Variants in VAV3 observed in about 807,000 individuals in gnomAD.
VAV3 encodes the protein guanine nucleotide exchange factor VAV3.
Under a neutral mutation model 131.2 loss-of-function variants are expected in VAV3, and 94 were observed. The observed-to-expected ratio is 0.72, with a 90% CI of 0.61 to 0.85. The LOEUF (loss-of-function observed/expected upper bound fraction) is 0.85. Ranked by LOEUF, VAV3 falls within the 40% of genes least tolerant of loss-of-function variation. The pLI is 0.00. For synonymous variants in VAV3, 349 were observed against 342.0 expected (o/e 1.02, Z -0.22); for missense variants, 939 against 1,002.7 (o/e 0.94, Z 0.86).
At chr1:107,876,267 G>C (rs1171456963) in intron 1 of VAV3, among the ~76,000 whole-genome samples, 2 of 152,076 alleles carry the variant, frequency 1.3e-5, no homozygotes, top group Non-Finnish European at 2.9e-5. Flanking sequence ...GAAAGTCACG[G>C]GTACCTTGAC....
intron 1 of VAV3, among the ~76,000 whole-genome samples, chr1:107,885,104 G>A (rs901157904): frequency 6.6e-6 from 1 of 152,054 alleles, no homozygotes; most frequent in African/African-American, 2.4e-5. Flanking sequence ...GCTTCAGAAC[G>A]GCACACCAGC....
At chr1:107,769,214 T>C (rs549013268) in intron 6 of VAV3, among the ~76,000 whole-genome samples, 17 of 152,318 alleles carry the variant, frequency 1.1e-4, no homozygotes, top group Non-Finnish European at 2.2e-4. Flanking sequence ...ACTCCATGAA[T>C]CACTTCCCTG....
At chr1:107,773,645 A>C (rs1665175469) in intron 4 of VAV3, among the ~76,000 whole-genome samples, 1 of 152,158 alleles carries the variant, frequency 6.6e-6, no homozygotes, top group Non-Finnish European at 1.5e-5. Flanking sequence ...GGGAGGAGGA[A>C]GGAAGAGGAA....
intron 2 of VAV3, among the ~76,000 whole-genome samples, chr1:107,827,197 G>A (rs1361751354): frequency 1.3e-5 from 2 of 152,140 alleles, no homozygotes; most frequent in African/African-American, 2.4e-5. Context: ...CTGTGACTAA[G>A]CCAGACAGAG....
intron 20 of VAV3, among the ~76,000 whole-genome samples, chr1:107,623,510 ATCACTT>A (rs1653765980): frequency 1.3e-5 from 2 of 152,208 alleles, no homozygotes; most frequent in Non-Finnish European, 1.5e-5. Context: ...AGACTCTCAT[ATCACTT>A]TCACCTGAAC....
intron 15 of VAV3, among the ~76,000 whole-genome samples, chr1:107,720,155 C>T (rs1661392720): frequency 6.6e-6 from 1 of 152,016 alleles, no homozygotes; most frequent in Non-Finnish European, 1.5e-5. Context: ...CACATGTATA[C>T]ATATGTAACA....
chr1:107,758,119 C>T (rs1664216808), intron 10 of VAV3, among the ~76,000 whole-genome samples: 1 of 152,122 alleles, frequency 6.6e-6, no homozygotes, highest in Non-Finnish European at 1.5e-5. Flanking sequence ...ATGGCACTTC[C>T]ATCAGTGTCA....
At chr1:107,923,007 G>A (rs1672985320) in intron 1 of VAV3, among the ~76,000 whole-genome samples, 1 of 150,784 alleles carries the variant, frequency 6.6e-6, no homozygotes, top group African/African-American at 2.4e-5. Context: ...TATCTCAGGT[G>A]TATACATCTA....
In VAV3 at chr1:107,844,676, C is replaced by A. The variant is rs560441259; in HGVS notation, c.321+30225G>T. On this transcript the variant is annotated intron_variant, in intron 2 of 26. Coordinates refer to ENST00000370056, the MANE Select transcript of VAV3 (RefSeq NM_006113.5). ...GGCAGTTTTCCCCTCACAGTATAAA[C>A]AAAGCCTCCAGGAAGTTCGGACTGG... is the stretch of plus-strand genomic sequence containing the variant. 2.0e-5 allele frequency among the ~76,000 whole-genome samples: 3 copies of A among 152,254 alleles called. No individual in the cohort carries two copies. The South Asian group carries it at 6.2e-4, about 32-fold the overall frequency.
intron 25 of VAV3, among the ~76,000 whole-genome samples, chr1:107,591,402 A>G (rs1650936370): frequency 6.6e-6 from 1 of 152,156 alleles, no homozygotes; most frequent in South Asian, 2.1e-4. Flanking sequence ...AAATATTTTC[A>G]GGATAAAGGG....
intron 10 of VAV3, among the ~76,000 whole-genome samples, 165 bp from the exon 11 acceptor site, chr1:107,757,494 A>G (rs1273235928): frequency 6.6e-6 from 1 of 152,218 alleles, no homozygotes; most frequent in Non-Finnish European, 1.5e-5. Context: ...AACTGTAAGA[A>G]GACCAACTAG....
Position 107,718,481 on chromosome 1 carries a change from C to G in VAV3, c.1503-13420G>C, listed in dbSNP as rs557439228. Among the ~76,000 whole-genome samples the G allele has an allele frequency of 3.7e-3, 560 of 152,156 alleles. 2 individuals are homozygous for G. Among genetic ancestry groups the G allele is most frequent in the African/African-American group, 0.013 (545 of 41,508 alleles). On this transcript the variant is annotated intron_variant, in intron 15 of 26. Coordinates refer to ENST00000370056, the MANE Select transcript of VAV3 (RefSeq NM_006113.5). ...AATTGCTACAAAGAGAATAAAATAC[C>G]TAGGAATCCAACTTACAAGGGATGT...
At chr1:107,808,313 G>C (rs897550175) in intron 2 of VAV3, among the ~76,000 whole-genome samples, 44 of 152,186 alleles carry the variant, frequency 2.9e-4, no homozygotes, top group African/African-American at 1.0e-3. Flanking sequence ...TAAGAAGAAA[G>C]TTCTTTTAAT....
intron 2 of VAV3, among the ~76,000 whole-genome samples, chr1:107,827,901 A>G (rs1668083224): frequency 1.3e-5 from 2 of 152,326 alleles, no homozygotes; most frequent in East Asian, 1.9e-4. Context: ...TTAATGGTCA[A>G]TTCCTATTCT....
chr1:107,862,564 T>C (rs550364977), intron 2 of VAV3: 1 of 151,684 alleles, frequency 6.6e-6, no homozygotes, highest in African/African-American at 2.4e-5. Context: ...TATTAATATA[T>C]CACCCACTGG....
intron 2 of VAV3, among the ~76,000 whole-genome samples, chr1:107,811,839 A>G (rs116617506): frequency 0.15 from 22,923 of 152,116 alleles, 1,972 homozygotes; most frequent in East Asian, 0.29. Flanking sequence ...TCCGAAAACT[A>G]TCTTTGGACT....
intron 2 of VAV3, among the ~76,000 whole-genome samples, chr1:107,846,267 C>T (rs1668961847): frequency 6.6e-6 from 1 of 152,178 alleles, no homozygotes; most frequent in African/African-American, 2.4e-5. Flanking sequence ...TTATCACCAC[C>T]AGGCCTGCCT....
chr1:107,772,916 G>C, intron 4 of VAV3, 73 bp from the exon 5 acceptor site: 1 of 1,256,664 alleles, frequency 8.0e-7, no homozygotes, highest in Non-Finnish European at 1.1e-6. Context: ...TAGCCTACTG[G>C]ATTTTAGTAA....
intron 2 of VAV3, among the ~76,000 whole-genome samples, chr1:107,828,275 C>T (rs572439282): frequency 1.4e-4 from 21 of 152,174 alleles, no homozygotes; most frequent in African/African-American, 4.8e-4. Context: ...GTACAAGATT[C>T]AGTGATATAA....
Sources: gnomAD v4.1 joint callset for allele counts (sites outside exome capture counted in the v4.1 genomes callset) on GRCh38, gnomAD v4.1.1 for gene constraint, MANE v1.5 for transcripts, NCBI Gene and HGNC (gene_info 2026-07-23, HGNC 2026-07-21) for gene names.